Variants in ZNF330 observed in about 807,000 individuals in gnomAD.
ZNF330 encodes zinc finger protein 330.
A neutral mutation model predicts 45.5 loss-of-function variants in ZNF330; 31 were observed. The observed-to-expected ratio is 0.68, with a 90% CI of 0.51 to 0.92. The LOEUF is 0.92. Ranked by LOEUF, ZNF330 falls within the 40% of genes least tolerant of loss-of-function variation. The pLI is 0.00. For missense variants in ZNF330, 356 were observed against 387.4 expected (o/e 0.92, Z 0.68); for synonymous variants, 138 against 123.2 (o/e 1.12, Z -0.79).
intron 4 of ZNF330, among the ~76,000 whole-genome samples, chr4:141,226,200 T>G (rs1205206782): frequency 7.2e-6 from 1 of 138,696 alleles, no homozygotes; most frequent in Non-Finnish European, 1.5e-5. Context: ...ATTGTGCTTA[T>G]TTGGGCACTA....
chr4:141,230,181 G>A lies in ZNF330; in HGVS notation c.434G>A (p.Ser145Asn), dbSNP rs1728914602. The A allele has an allele frequency of 6.2e-7, 1 of 1,608,620 alleles. No individual in the cohort carries two copies. Among genetic ancestry groups the A allele is most frequent in the Non-Finnish European group, 8.5e-7 (1 of 1,177,232 alleles). Residue 145 changes from serine (S) to asparagine (N), a missense_variant, in exon 7 of 10, where the codon AGT becomes AAT. Ser to Asn is a conservative substitution (Grantham distance 46, BLOSUM62 1). Coordinates refer to ENST00000262990, the MANE Select transcript of ZNF330 (RefSeq NM_014487.6). The part of the protein sequence containing the change: ...GVWDHGGRIF[S>N]CSFCHNFLCE... ...AATCCAATAGGAGGCAGAATATTCA[G>A]TTGTTCTTTTTGCCATAACTTTCTC...
At chr4:141,232,452 A>G (rs1011932310) in intron 8 of ZNF330, 73 bp from the exon 9 acceptor site, 1 of 817,664 alleles carries the variant, frequency 1.2e-6, no homozygotes, top group Non-Finnish European at 1.7e-6. Flanking sequence ...TATATCTTTA[A>G]AACACTGAAT....
chr4:141,232,688 T>A, intron 9 of ZNF330, 46 bp downstream of exon 9: 2 of 1,080,166 alleles, frequency 1.9e-6, no homozygotes, highest in Non-Finnish European at 2.6e-6. Flanking sequence ...CTTTCATACT[T>A]AGACAAAGTT....
At chr4:141,230,703 G>C (rs1272119595) in intron 7 of ZNF330, among the ~76,000 whole-genome samples, 1 of 152,090 alleles carries the variant, frequency 6.6e-6, no homozygotes, top group Non-Finnish European at 1.5e-5. Context: ...AAAAATACCT[G>C]TGGAGGTTTT....
Position 141,229,588 on chromosome 4 carries a change from C to T in ZNF330, c.309C>T (p.Phe103=), listed in dbSNP as rs1022925933. ...GGTTACAGGGTGCAATATGTGACTT[C>T]TGTGAAGCTTGGGTTTGCCATGGTA... The part of the protein sequence containing the change: ...GLAMVGAICD[F]CEAWVCHGRK... The change falls in exon 6 of 10, where the codon TTC becomes TTT. Residue 103 remains phenylalanine, a synonymous_variant. Coordinates refer to ENST00000262990, the MANE Select transcript of ZNF330 (RefSeq NM_014487.6). 3 of 1,612,750 alleles carry T rather than the reference C, an allele frequency of 1.9e-6. No homozygotes were observed. Among genetic ancestry groups the T allele is most frequent in the Non-Finnish European group, 1.7e-6 (2 of 1,179,162 alleles).
intron 2 of ZNF330, chr4:141,224,023 A>G (rs1578807313): frequency 3.4e-6 from 1 of 290,632 alleles, no homozygotes; most frequent in East Asian, 8.6e-5. Flanking sequence ...TTTTAAAACC[A>G]TGTTTAGGAA....
chr4:141,227,473 A>AT (rs1468750115), intron 5 of ZNF330, among the ~76,000 whole-genome samples: 1 of 151,978 alleles, frequency 6.6e-6, no homozygotes, highest in African/African-American at 2.4e-5. Context: ...TGAACTCATC[A>AT]TTTTTTATGG....
At chr4:141,230,065 C>T in intron 6 of ZNF330, 101 bp from the exon 7 acceptor site, 1 of 852,232 alleles carries the variant, frequency 1.2e-6, no homozygotes, top group Non-Finnish European at 1.8e-6. Flanking sequence ...TTTGGTGTAT[C>T]TCCAAAGTAA....
At chr4:141,227,625 A>G (rs1728844037) in intron 5 of ZNF330, among the ~76,000 whole-genome samples, 2 of 152,250 alleles carry the variant, frequency 1.3e-5, no homozygotes, top group East Asian at 3.9e-4. Flanking sequence ...TTATAGCAGC[A>G]TGATTTATAA....
chr4:141,220,815 C>G (rs1488086277), upstream of ZNF330: 1 of 152,274 alleles, frequency 6.6e-6, no homozygotes, highest in Non-Finnish European at 1.5e-5. Context: ...GGGCATTGGC[C>G]CCCGCAGGAG....
In ZNF330 at chr4:141,234,478, C is replaced by T. The variant is rs1451510094; in HGVS notation, c.*489C>T. 6.5e-6 allele frequency: 1 copy of T among 152,898 alleles called. No homozygotes were observed. The highest frequency in any genetic ancestry group is 1.5e-5 in the Non-Finnish European group (1 of 68,662). 9.5% of individuals were successfully genotyped at this position (152,898 alleles called of 1,614,324 possible). A position where few individuals can be genotyped will look rare whatever the true frequency, so the allele number is the denominator to read the frequency against. ...AAATTTTCATTAAATATTCATGTCA[C>T]CTTGAGTTGTCATGATAAGTATGTT... On this transcript the variant is annotated 3_prime_UTR_variant, in exon 10 of 10. Coordinates refer to ENST00000262990, the MANE Select transcript of ZNF330 (RefSeq NM_014487.6).
chr4:141,223,941 T>G, intron 2 of ZNF330: 1 of 353,034 alleles, frequency 2.8e-6, no homozygotes. Flanking sequence ...TGGCTGACCA[T>G]TAGTGACTTG....
rs1728663268 is a variant in ZNF330, at chr4:141,221,089, T to G, written c.-26T>G. 1 of 152,382 alleles carries G rather than the reference T, an allele frequency of 6.6e-6. No individual in the cohort carries two copies. The highest frequency in any genetic ancestry group is 6.5e-5 in the Admixed American group (1 of 15,302). 9.4% of individuals were successfully genotyped at this position (152,382 alleles called of 1,614,324 possible). ...GTCTCCCGGCGAAAGTGAGCGAGGT[T>G]TGCCCGGAGCGCGCACGAGGTAGGG... is the stretch of plus-strand genomic sequence containing the variant. On this transcript the variant is annotated 5_prime_UTR_variant, in exon 1 of 10. Coordinates refer to ENST00000262990, the MANE Select transcript of ZNF330 (RefSeq NM_014487.6).
chr4:141,223,766 T>C (rs778611907), intron 2 of ZNF330: 1 of 456,204 alleles, frequency 2.2e-6, no homozygotes, highest in South Asian at 1.5e-5. Context: ...ATGTATTTAT[T>C]AGGACTAAGA....
rs1430850460 is a variant in ZNF330 at position 141,221,035 on chromosome 4, C to A, written c.-80C>A. 6.6e-6 allele frequency: 1 copy of A among 152,322 alleles called. No individual in the cohort carries two copies. Among genetic ancestry groups the A allele is most frequent in the African/African-American group, 2.4e-5 (1 of 41,476 alleles). 9.4% of individuals were successfully genotyped at this position (152,322 alleles called of 1,614,324 possible). The stretch of plus-strand genomic sequence containing the variant: ...GTCGCGGGTGGGCCTCACGCCATTC[C>A]CTGTCCCTCGGCCCCCTGAGTGAGT... On this transcript the variant is annotated 5_prime_UTR_variant, in exon 1 of 10. Coordinates refer to ENST00000262990, the MANE Select transcript of ZNF330 (RefSeq NM_014487.6).
At chr4:141,223,292 A>G (rs917516359) in intron 2 of ZNF330, among the ~76,000 whole-genome samples, 1 of 151,582 alleles carries the variant, frequency 6.6e-6, no homozygotes, top group South Asian at 2.1e-4. Flanking sequence ...ATCTAACTTA[A>G]ATTAATCTTA....
intron 2 of ZNF330, among the ~76,000 whole-genome samples, chr4:141,224,206 T>C (rs1295059856): frequency 6.6e-6 from 1 of 152,238 alleles, no homozygotes; most frequent in East Asian, 1.9e-4. Flanking sequence ...CATTCTGTGG[T>C]ATTTTATTCC....
intron 2 of ZNF330, among the ~76,000 whole-genome samples, chr4:141,223,513 A>T (rs554288643): frequency 6.6e-6 from 1 of 152,316 alleles, no homozygotes; most frequent in Admixed American, 6.5e-5. Context: ...CATGTCTCAC[A>T]TCACATATTG....
Position 141,221,077 on chromosome 4 carries a change from A to G in ZNF330, c.-38A>G, listed in dbSNP as rs1382750593. ...TGAGTGAGTCCGGTCTCCCGGCGAA[A>G]GTGAGCGAGGTTTGCCCGGAGCGCG... On this transcript the variant is annotated 5_prime_UTR_variant, in exon 1 of 10. Coordinates refer to ENST00000262990, the MANE Select transcript of ZNF330 (RefSeq NM_014487.6). 1 of 152,232 alleles carries G rather than the reference A, an allele frequency of 6.6e-6. No individual in the cohort carries two copies. Among genetic ancestry groups the G allele is most frequent in the Non-Finnish European group, 1.5e-5 (1 of 68,074 alleles). The allele number at this position is 152,232 out of a possible 1,614,324, so 9.4% of individuals were successfully genotyped here. A position where few individuals can be genotyped will look rare whatever the true frequency, so the allele number is the denominator to read the frequency against.
Sources: allele counts gnomAD v4.1 joint callset (sites outside exome capture counted in the v4.1 genomes callset), GRCh38; gene constraint gnomAD v4.1.1; transcripts MANE v1.5; gene names NCBI Gene and HGNC (gene_info 2026-07-23, HGNC 2026-07-21).